CD274: variants seen among roughly 807,000 people sequenced by gnomAD.
CD274 encodes programmed cell death 1 ligand 1.
A neutral mutation model predicts 30.1 loss-of-function variants in CD274; 8 were observed. The observed-to-expected ratio is 0.27, with a 90% confidence interval of 0.16 to 0.48. The LOEUF (loss-of-function observed/expected upper bound fraction) is 0.48, where lower values mean the gene tolerates loss of function less well. Ranked by LOEUF, CD274 falls within the 20% of genes least tolerant of loss-of-function variation. The probability of loss-of-function intolerance (pLI) is 0.99; values close to 1 mark genes in which losing one functional copy is unlikely to be tolerated. For missense variants in CD274, 353 were observed against 346.6 expected, an observed-to-expected ratio of 1.02 and a Z score of -0.15; for synonymous variants, 152 against 124.6, an observed-to-expected ratio of 1.22 and a Z score of -1.46.
chr9:5,466,766 C>A lies in CD274; in HGVS notation c.791-4C>A. 1 of 1,606,894 alleles carries A rather than the reference C, an allele frequency of 6.2e-7. No homozygotes were observed. The highest frequency in any genetic ancestry group is 8.5e-7 in the Non-Finnish European group (1 of 1,175,764). ...GGAAATAAAAATGATTTCTTTTTCT[C>A]AAGGGAGAATGATGGATGTGAAAAA... On this transcript the variant is annotated splice_region_variant and splice_polypyrimidine_tract_variant and intron_variant, in intron 5 of 6. Coordinates refer to ENST00000381577, the MANE Select transcript of CD274 (RefSeq NM_014143.4).
chr9:5,459,425 G>C (rs1466551145), intron 3 of CD274, among the ~76,000 whole-genome samples: 5 of 152,138 alleles, frequency 3.3e-5, no homozygotes, highest in South Asian at 4.1e-4. Flanking sequence ...GAGGCAGCTG[G>C]CTTGCAGGAG....
chr9:5,462,237 A>C (rs1819417345), intron 3 of CD274, among the ~76,000 whole-genome samples: 1 of 152,226 alleles, frequency 6.6e-6, no homozygotes, highest in East Asian at 1.9e-4. Context: ...AAATCAGAAA[A>C]GTGAATGACA....
At chr9:5,465,450 C>G in intron 4 of CD274, 49 bp from the exon 5 acceptor site, 1 of 1,134,964 alleles carries the variant, frequency 8.8e-7, no homozygotes, top group Non-Finnish European at 1.3e-6. Flanking sequence ...CCCTTCCCAT[C>G]AAAATTTTAT....
intron 6 of CD274, among the ~76,000 whole-genome samples, chr9:5,467,577 C>T (rs979987266): frequency 1.3e-5 from 2 of 152,100 alleles, no homozygotes; most frequent in African/African-American, 4.8e-5. Context: ...TGGCCCATAG[C>T]ATCATCTGTG....
rs1213866118 is a variant in CD274, at chr9:5,457,138, A to G, written c.112A>G (p.Ile38Val). ...YVVEYGSNMT[I>V]ECKFPVEKQL... ...GGTAGAGTATGGTAGCAATATGACA[A>G]TTGAATGCAAATTCCCAGTAGAAAA... Residue 38 changes from isoleucine (I) to valine (V), a missense_variant, in exon 3 of 7, where the codon ATT (isoleucine) becomes GTT (valine). By Grantham distance (29) the Ile-to-Val change is conservative. Transcript: ENST00000381577. 6.2e-7 allele frequency: 1 copy of G among 1,614,084 alleles called. No homozygotes were observed. The highest frequency in any genetic ancestry group is 1.7e-5 in the Admixed American group (1 of 60,014).
At chr9:5,463,153 T>A (rs1363274626) in intron 4 of CD274, 32 bp downstream of exon 4, 3 of 1,545,448 alleles carry the variant, frequency 1.9e-6, no homozygotes, top group Non-Finnish European at 2.7e-6. Flanking sequence ...TTAAAATATG[T>A]CTAACACTGT....
chr9:5,458,281 C>A (rs73641620), intron 3 of CD274, among the ~76,000 whole-genome samples: 12 of 152,152 alleles, frequency 7.9e-5, no homozygotes, highest in African/African-American at 2.9e-4. Context: ...AATCCAAACT[C>A]CCACAAAGAA....
At chr9:5,459,763 G>A (rs577073803) in intron 3 of CD274, among the ~76,000 whole-genome samples, 15 of 152,198 alleles carry the variant, frequency 9.9e-5, no homozygotes, top group African/African-American at 2.9e-4. Context: ...CAGGGAAAAC[G>A]AAATGTTCAT....
intron 3 of CD274, among the ~76,000 whole-genome samples, chr9:5,461,448 G>T (rs1819402972): frequency 6.6e-6 from 1 of 152,106 alleles, no homozygotes; most frequent in Admixed American, 6.6e-5. Flanking sequence ...GATTTCCAGT[G>T]TTTCCACTGG....
intron 1 of CD274, among the ~76,000 whole-genome samples, chr9:5,452,281 T>A (rs1819220730): frequency 6.6e-6 from 1 of 152,152 alleles, no homozygotes. Flanking sequence ...CCTCCCAAAG[T>A]GCTGGGATTA....
chr9:5,469,414 A>G lies in CD274; in HGVS notation c.*1552A>G, dbSNP rs1462040171. ...CATTCAAGTTTCCTTTCCAGAAGCA[A>G]CTGCTACTGCCTTTCATTCATATGT... On this transcript the variant is annotated 3_prime_UTR_variant, in exon 7 of 7. Transcript: ENST00000381577. 4.7e-5 allele frequency: 11 copies of G among 232,238 alleles called. No individual in the cohort carries two copies. The East Asian group carries it at 5.5e-4, about 12-fold the overall frequency. The allele number at this position is 232,238 out of a possible 1,614,324, so 14.4% of individuals were successfully genotyped here.
intron 5 of CD274, among the ~76,000 whole-genome samples, chr9:5,466,454 C>A (rs1338539811): frequency 1.3e-5 from 2 of 151,918 alleles, no homozygotes; most frequent in African/African-American, 2.4e-5. Context: ...TTGAATATTT[C>A]TCTGGAAAAA....
At chr9:5,462,095 CT>C (rs1417330012) in intron 3 of CD274, among the ~76,000 whole-genome samples, 2 of 152,130 alleles carry the variant, frequency 1.3e-5, no homozygotes, top group Non-Finnish European at 2.9e-5. Flanking sequence ...ATCTTTGCAA[CT>C]TTTTTGTAAA....
chr9:5,465,972 T>G, intron 5 of CD274: 1 of 161,838 alleles, frequency 6.2e-6, no homozygotes, highest in Non-Finnish European at 1.3e-5. Context: ...ATAAAAATAG[T>G]TCCTCTGTAG....
chr9:5,452,927 G>A (rs946687331), intron 1 of CD274, among the ~76,000 whole-genome samples: 4 of 151,920 alleles, frequency 2.6e-5, no homozygotes, highest in Non-Finnish European at 4.4e-5. Flanking sequence ...CTTCTGCCTA[G>A]TAAGTGAATT....
In CD274 at chr9:5,466,830, G is replaced by T. The variant is rs570628004; in HGVS notation, c.850+1G>T. ...GATACAAACTCAAAGAAGCAAAGTG[G>T]TAAGAATATCAGAAGGAATTGGGAA... is the stretch of plus-strand genomic sequence containing the variant. On this transcript the variant is annotated splice_donor_variant, in intron 6 of 6. Transcript: ENST00000381577. LOFTEE classifies it high-confidence loss of function. 4 of 1,606,270 alleles carry T rather than the reference G, an allele frequency of 2.5e-6. No individual in the cohort carries two copies. The African/African-American group carries it at 4.0e-5, about 16-fold the overall frequency.
intron 4 of CD274, 136 bp from the exon 5 acceptor site, chr9:5,465,363 C>A (rs1354213495): frequency 3.4e-6 from 2 of 592,244 alleles, no homozygotes; most frequent in African/African-American, 3.7e-5. Context: ...TCTCGCCATT[C>A]CAGCCACTCA....
In CD274 at chr9:5,462,790, C is replaced by T. The variant is rs1413856373; in HGVS notation, c.395-44C>T. 3 of 1,570,454 alleles carry T rather than the reference C, an allele frequency of 1.9e-6. No homozygotes were observed. The African/African-American group carries it at 4.1e-5, about 21-fold the overall frequency. On this transcript the variant is annotated intron_variant, in intron 3 of 6. Coordinates refer to ENST00000381577, the MANE Select transcript of CD274 (RefSeq NM_014143.4). ...ACAGCATCAAGCTATGTACGTAGTT[C>T]TGTGCTCAGCAAAAGCCCTGACTTC... is the stretch of plus-strand genomic sequence containing the variant.
At chr9:5,463,237 C>T (rs1819439313) in intron 4 of CD274, 116 bp downstream of exon 4, 1 of 793,926 alleles carries the variant, frequency 1.3e-6, no homozygotes, top group Non-Finnish European at 2.1e-6. Flanking sequence ...GAATGAATAA[C>T]ACTATGTTTA....
Sources: gnomAD v4.1 joint callset for allele counts (sites outside exome capture counted in the v4.1 genomes callset) on GRCh38, gnomAD v4.1.1 for gene constraint, MANE v1.5 for transcripts, NCBI Gene and HGNC (gene_info 2026-07-23, HGNC 2026-07-21) for gene names.